Variants in CDK14 observed in about 807,000 individuals in gnomAD.
The protein encoded by CDK14 is cyclin dependent kinase 14.
In CDK14, 34 loss-of-function variants were observed where a neutral mutation model predicts 60.7. That is an observed-to-expected ratio of 0.56 (90% CI 0.43 to 0.75). CDK14 has a LOEUF of 0.75. Ranked by LOEUF, CDK14 falls within the 30% of genes least tolerant of loss-of-function variation. The pLI is 0.00. For missense variants in CDK14, 482 were observed against 564.1 expected (o/e 0.85, Z 1.47); for synonymous variants, 197 against 203.7 (o/e 0.97, Z 0.28).
intron 2 of CDK14, chr7:90,692,721 T>C: frequency 2.3e-6 from 2 of 888,042 alleles, no homozygotes; most frequent in Non-Finnish European, 2.7e-6. Flanking sequence ...ATAATTTATT[T>C]CCAAAGGATA....
chr7:91,122,504 A>G (rs975272704), intron 14 of CDK14, among the ~76,000 whole-genome samples: 5 of 152,158 alleles, frequency 3.3e-5, no homozygotes, highest in African/African-American at 1.2e-4. Flanking sequence ...TCGGTAGGCC[A>G]CCTAGAGCTG....
At chr7:90,673,151 CA>C (rs1305465455) in intron 2 of CDK14, among the ~76,000 whole-genome samples, 2 of 152,170 alleles carry the variant, frequency 1.3e-5, no homozygotes, top group Non-Finnish European at 2.9e-5. Flanking sequence ...ACAGTTCTCA[CA>C]TTCTTAATAG....
At chr7:90,873,973 T>C (rs1288711911) in intron 6 of CDK14, among the ~76,000 whole-genome samples, 6 of 152,238 alleles carry the variant, frequency 3.9e-5, no homozygotes, top group African/African-American at 1.4e-4. Context: ...TATAAATCTT[T>C]GTAGCCAAGA....
rs898222413 is a variant in CDK14, at chr7:90,837,501, T to C, written c.545-25674T>C. 7.9e-5 allele frequency among the ~76,000 whole-genome samples: 12 copies of C among 152,234 alleles called. 1 individual carries two copies. The highest frequency in any genetic ancestry group is 6.2e-4 in the South Asian group (3 of 4,816). On this transcript the variant is annotated intron_variant, in intron 5 of 14. Transcript: ENST00000380050. ...AATAAAATTCTAGACAGCAGAATGA[T>C]AAGCTTAGTGTATTAGAACATGATT...
At chr7:91,044,477 A>G (rs1425238600) in intron 10 of CDK14, among the ~76,000 whole-genome samples, 1 of 152,184 alleles carries the variant, frequency 6.6e-6, no homozygotes, top group Non-Finnish European at 1.5e-5. Flanking sequence ...AGTCTGTCCT[A>G]TCAGTCTTAA....
intron 4 of CDK14, among the ~76,000 whole-genome samples, chr7:90,757,209 A>AGTGTGTGTGTGGGTGTGTGT (rs1804101137): frequency 8.3e-6 from 1 of 120,298 alleles, no homozygotes; most frequent in Non-Finnish European, 1.7e-5. Flanking sequence ...GCATTCTTCC[A>AGTGTGTGTGTGGGTGTGTGT]GTGTGTGTGT....
intron 3 of CDK14, among the ~76,000 whole-genome samples, chr7:90,727,261 C>T (rs1802677261): frequency 6.6e-6 from 1 of 152,062 alleles, no homozygotes; most frequent in Non-Finnish European, 1.5e-5. Flanking sequence ...CAGTCTTTCT[C>T]ATGTGACTCT....
At chr7:91,024,156 G>A (rs994837536) in intron 10 of CDK14, among the ~76,000 whole-genome samples, 2 of 150,674 alleles carry the variant, frequency 1.3e-5, no homozygotes, top group Non-Finnish European at 3.0e-5. Context: ...TGATGATAAT[G>A]ATGTCAGCTG....
At chr7:91,173,863 G>C (rs994730791) in intron 14 of CDK14, among the ~76,000 whole-genome samples, 7 of 152,202 alleles carry the variant, frequency 4.6e-5, no homozygotes, top group African/African-American at 1.7e-4. Flanking sequence ...ACTGCAAGGC[G>C]GCAGCGAGGC....
chr7:90,878,755 T>C (rs1034863232), intron 6 of CDK14, among the ~76,000 whole-genome samples: 5 of 152,194 alleles, frequency 3.3e-5, no homozygotes, highest in Non-Finnish European at 7.3e-5. Context: ...CAAGAATTTC[T>C]AGAAAAGTTA....
intron 7 of CDK14, among the ~76,000 whole-genome samples, chr7:90,905,439 T>C (rs1792666029): frequency 6.6e-6 from 1 of 152,198 alleles, no homozygotes; most frequent in South Asian, 2.1e-4. Context: ...AAGAAAGGTA[T>C]TCATAGTAAA....
chr7:90,940,719 G>A (rs1416043986), intron 8 of CDK14, among the ~76,000 whole-genome samples: 1 of 152,080 alleles, frequency 6.6e-6, no homozygotes, highest in East Asian at 1.9e-4. Flanking sequence ...CCGGGAGGTT[G>A]AGGCTGCAGT....
chr7:90,602,769 GA>G (rs1299172455), intron 1 of CDK14, among the ~76,000 whole-genome samples: 2 of 152,148 alleles, frequency 1.3e-5, no homozygotes, highest in Admixed American at 1.3e-4. Context: ...TTCACTTTCA[GA>G]AGAAATGGTT....
At chr7:91,169,651 T>A (rs1030441465) in intron 14 of CDK14, among the ~76,000 whole-genome samples, 1 of 152,194 alleles carries the variant, frequency 6.6e-6, no homozygotes, top group African/African-American at 2.4e-5. Flanking sequence ...AATTTACCAA[T>A]GACCAGGTTT....
At chr7:90,676,308 G>C (rs761642818) in intron 2 of CDK14, among the ~76,000 whole-genome samples, 2 of 152,136 alleles carry the variant, frequency 1.3e-5, no homozygotes, top group Non-Finnish European at 2.9e-5. Flanking sequence ...GGGCGTCCCT[G>C]AGAAACTCAC....
chr7:91,034,156 C>T (rs953695618), intron 10 of CDK14, among the ~76,000 whole-genome samples: 1 of 152,038 alleles, frequency 6.6e-6, no homozygotes, highest in African/African-American at 2.4e-5. Flanking sequence ...AGGCTGAAAA[C>T]TTTTTTTAAA....
chr7:91,012,411 G>T (rs767500893), intron 10 of CDK14, among the ~76,000 whole-genome samples: 8 of 152,130 alleles, frequency 5.3e-5, no homozygotes, highest in African/African-American at 1.9e-4. Context: ...GATCTTCATA[G>T]TTTTCTCTTG....
At chr7:91,178,737 G>A (rs1367632611) in intron 14 of CDK14, among the ~76,000 whole-genome samples, 2 of 151,358 alleles carry the variant, frequency 1.3e-5, no homozygotes, top group Non-Finnish European at 1.5e-5. Flanking sequence ...TCAGAGAAAT[G>A]CAAATCAAAA....
At chr7:90,822,742 A>G (rs979100465) in intron 5 of CDK14, among the ~76,000 whole-genome samples, 3 of 152,226 alleles carry the variant, frequency 2.0e-5, no homozygotes, top group Non-Finnish European at 2.9e-5. Flanking sequence ...ACAAAAGAGC[A>G]CATAATGATT....
Sources: allele counts gnomAD v4.1 joint callset (sites outside exome capture counted in the v4.1 genomes callset), GRCh38; gene constraint gnomAD v4.1.1; transcripts MANE v1.5; gene names NCBI Gene and HGNC (gene_info 2026-07-23, HGNC 2026-07-21).